PPFIA4: variants seen among roughly 807,000 people sequenced by gnomAD.
PPFIA4 encodes liprin-alpha-4.
In PPFIA4, 98 loss-of-function variants were observed where a neutral mutation model predicts 145.7. The ratio of observed to expected loss-of-function variants is 0.67; its 90% CI spans 0.57 to 0.80. The LOEUF is 0.80. Among genes scored for constraint, PPFIA4 ranks in the 30% least tolerant of loss-of-function variants. The pLI is 0.00. For missense variants in PPFIA4, 1,457 were observed against 1,632.7 expected, an observed-to-expected ratio of 0.89 and a Z score of 1.85; for synonymous variants, 628 against 649.6, an observed-to-expected ratio of 0.97 and a Z score of 0.51.
Position 203,045,446 on chromosome 1 carries a change from C to G in PPFIA4, c.745C>G (p.Leu249Val), listed in dbSNP as rs1295643664. 1 of 1,609,868 alleles carries G rather than the reference C, an allele frequency of 6.2e-7. No homozygotes were observed. The highest frequency in any genetic ancestry group is 8.5e-7 in the Non-Finnish European group (1 of 1,178,796). ...TGAGTTGAGCCAGGCCCGGGAGCGA[C>G]TGGTCACCCTAACAACAACCGTGAC... ...NFELSQARERLVTLTTTVTEL... is the reference protein window; with the variant it reads ...NFELSQARERVVTLTTTVTEL... The change falls in exon 7 of 30, where the codon CTG becomes GTG. Residue 249 changes from leucine to valine, a missense_variant. By Grantham distance (32) the Leu-to-Val change is conservative. Transcript: ENST00000295706.
intron 2 of PPFIA4, among the ~76,000 whole-genome samples, chr1:203,042,933 T>TG (rs754984858): frequency 2.0e-5 from 3 of 152,198 alleles, no homozygotes; most frequent in Non-Finnish European, 4.4e-5. Context: ...GTCACTGTGC[T>TG]GGGCCTTCTC....
intron 2 of PPFIA4, 61 bp downstream of exon 2, chr1:203,039,303 C>A: frequency 1.6e-6 from 2 of 1,257,058 alleles, no homozygotes; most frequent in South Asian, 3.1e-5. Context: ...CTGCTAGATC[C>A]ACTGGGCCCT....
At chr1:203,034,119 G>C (rs953177258) in intron 1 of PPFIA4, among the ~76,000 whole-genome samples, 1 of 152,210 alleles carries the variant, frequency 6.6e-6, no homozygotes, top group Admixed American at 6.5e-5. Flanking sequence ...GCAATGCTGG[G>C]TCAGCGGAAG....
rs931877435 is a variant in PPFIA4, at chr1:203,061,654, C to G, written c.2850C>G (p.Asp950Glu). The G allele has an allele frequency of 1.3e-6, 2 of 1,566,172 alleles. No individual in the cohort carries two copies. Among genetic ancestry groups the G allele is most frequent in the Admixed American group, 3.7e-5 (2 of 53,524 alleles). Residue 950 changes from aspartate to glutamate, a missense_variant and splice_region_variant, in exon 24 of 30, where the codon GAC becomes GAG. By Grantham distance (45) the Asp-to-Glu change is conservative. Around this residue, in one of 3 missense-constraint regions of PPFIA4, gnomAD observed 848 missense variants for 1,046.7 expected, o/e 0.81. Coordinates refer to ENST00000295706, the MANE Select transcript of PPFIA4 (RefSeq NM_001304331.2). ...METLETSTKT[D>E]SEEGSWAQTL... ...CACGCTGCACTCGTTCCTGCTAGGA[C>G]AGTGAGGAGGGCAGCTGGGCTCAGG... is the stretch of plus-strand genomic sequence containing the variant.
chr1:203,053,850 CA>C lies in PPFIA4; in HGVS notation c.1719del (p.Gly575ValfsTer22), dbSNP rs1660712175. On this transcript the variant is annotated frameshift_variant, in exon 15 of 30. Transcript: ENST00000295706. LOFTEE classifies it high-confidence loss of function. ...ATCTCCGACGTGGATGAGGATGAGCCAGGGGGTCTGGTGGGCTCTGCGGATG... is the reference window on the plus strand; with the variant it reads ...ATCTCCGACGTGGATGAGGATGAGCCGGGGGTCTGGTGGGCTCTGCGGATG... ...PEISDVDEDE[P>X]GGLVGSADVV... 2 of 1,555,358 alleles carry C rather than the reference CA, an allele frequency of 1.3e-6. No individual in the cohort carries two copies. Among genetic ancestry groups the C allele is most frequent in the East Asian group, 2.4e-5 (1 of 41,242 alleles).
At chr1:203,069,696 G>T (rs1285757252) in intron 27 of PPFIA4, among the ~76,000 whole-genome samples, 1 of 151,840 alleles carries the variant, frequency 6.6e-6, no homozygotes, top group African/African-American at 2.4e-5. Context: ...CAGTGTGTTG[G>T]CCTTTTGGGG....
rs1662640992 is a variant in PPFIA4 at position 203,077,788 on chromosome 1, G to T, written c.*1398G>T. 6.6e-6 allele frequency: 1 copy of T among 152,238 alleles called. No homozygotes were observed. Among genetic ancestry groups the T allele is most frequent in the Admixed American group, 6.5e-5 (1 of 15,290 alleles). The allele number at this position is 152,238 out of a possible 1,614,324, so 9.4% of individuals were successfully genotyped here. ...TCACCTACTCCCTCATCCTACCAAGGTGCCTGAAAATGTTCAAGACTTATG... is the reference window on the plus strand; with the variant it reads ...TCACCTACTCCCTCATCCTACCAAGTTGCCTGAAAATGTTCAAGACTTATG... On this transcript the variant is annotated 3_prime_UTR_variant, in exon 30 of 30. Coordinates refer to ENST00000295706, the MANE Select transcript of PPFIA4 (RefSeq NM_001304331.2).
Position 203,048,742 on chromosome 1 carries a change from G to T in PPFIA4, c.1356+28G>T, listed in dbSNP as rs552040666. 1.2e-6 allele frequency: 2 copies of T among 1,602,104 alleles called. No individual in the cohort carries two copies. The highest frequency in any genetic ancestry group is 1.1e-5 in the South Asian group (1 of 89,946). ...GCCCAGAGGGGCGGGGTTGGGATGC[G>T]AGAGGTTAGTGCTGGGTGTGGGGCG... On this transcript the variant is annotated intron_variant, in intron 11 of 29. Transcript: ENST00000295706. This position sits in a 1 kb window ranked among gnomAD's most constrained non-coding sequence, Gnocchi z 5.8.
intron 13 of PPFIA4, chr1:203,051,210 T>C: frequency 1.0e-6 from 1 of 985,380 alleles, no homozygotes. Flanking sequence ...TTTCTGACAG[T>C]GTTAGGGCCT....
At position 203,051,874 on chromosome 1, in the gene PPFIA4, C is replaced by T; in HGVS notation, c.1617C>T (p.Ala539=). ...RRYSALREES[A]KDWETSPLPG... ...ACTCGGCATTGAGGGAAGAGTCTGCCAAGGTGAGGGGGTGGAGGGATCTCC... is the reference window on the plus strand; with the variant it reads ...ACTCGGCATTGAGGGAAGAGTCTGCTAAGGTGAGGGGGTGGAGGGATCTCC... The change falls in exon 14 of 30, where the codon GCC becomes GCT. Residue 539 remains alanine (A), a synonymous_variant. Transcript: ENST00000295706. 2 of 1,613,212 alleles carry T rather than the reference C, an allele frequency of 1.2e-6. No individual in the cohort carries two copies. The highest frequency in any genetic ancestry group is 1.7e-6 in the Non-Finnish European group (2 of 1,179,600).
At chr1:203,054,216 T>G in intron 15 of PPFIA4, 1 of 664,030 alleles carries the variant, frequency 1.5e-6, no homozygotes, top group Non-Finnish European at 2.7e-6. Context: ...GCATGCTGTG[T>G]TCCTGCAGCC....
intron 13 of PPFIA4, 182 bp from the exon 14 acceptor site, chr1:203,051,587 C>T (rs1365728850): frequency 1.7e-6 from 2 of 1,151,334 alleles, no homozygotes; most frequent in East Asian, 5.8e-5. Context: ...CCTGGAGCAC[C>T]AGGGCATACG....
chr1:203,045,612 G>T, intron 7 of PPFIA4, 53 bp downstream of exon 7: 1 of 1,500,756 alleles, frequency 6.7e-7, no homozygotes, highest in African/African-American at 1.4e-5. Context: ...CGTGTGGAGG[G>T]AGAGCCAGGC....
rs1376082496 is a variant in PPFIA4, at chr1:203,060,097, A to G, written c.2584-120A>G. ...GGGGTTTGATGACCGCCACATTCCTATGATCTGTATTTGCTATTCGAGTCC... is the reference window on the plus strand; with the variant it reads ...GGGGTTTGATGACCGCCACATTCCTGTGATCTGTATTTGCTATTCGAGTCC... On this transcript the variant is annotated intron_variant, in intron 21 of 29. Coordinates refer to ENST00000295706, the MANE Select transcript of PPFIA4 (RefSeq NM_001304331.2). This position sits in a 1 kb window ranked among gnomAD's most constrained non-coding sequence, Gnocchi z 4.8. 8 of 955,314 alleles carry G rather than the reference A, an allele frequency of 8.4e-6. No individual in the cohort carries two copies. Among genetic ancestry groups the G allele is most frequent in the African/African-American group, 1.6e-5 (1 of 61,396 alleles). The allele number at this position is 955,314 out of a possible 1,614,324, so 59.2% of individuals were successfully genotyped here. A position where few individuals can be genotyped will look rare whatever the true frequency, so the allele number is the denominator to read the frequency against.
rs1207718485 is a variant in PPFIA4 at position 203,048,340 on chromosome 1, C to T, written c.1224+30C>T. 1 of 1,603,818 alleles carries T rather than the reference C, an allele frequency of 6.2e-7. No homozygotes were observed. The highest frequency in any genetic ancestry group is 1.7e-5 in the Admixed American group (1 of 59,010). On this transcript the variant is annotated intron_variant, in intron 10 of 29. Transcript: ENST00000295706. The surrounding 1 kb of genome is among the most constrained non-coding windows in gnomAD (Gnocchi z 5.8). ...GGGCACCAGGCCGGGCCCTCAGGCC[C>T]CCTCCTTCCCGCAGGACAGGCTCCC...
At chr1:203,054,438 G>A (rs1660763567) in intron 15 of PPFIA4, among the ~76,000 whole-genome samples, 1 of 152,334 alleles carries the variant, frequency 6.6e-6, no homozygotes, top group East Asian at 1.9e-4. Context: ...TCAAACTCAA[G>A]TCTGAACTTG....
In PPFIA4 at chr1:203,053,840, G is replaced by A. The variant is rs1348357515; in HGVS notation, c.1708G>A (p.Glu570Lys). 6.4e-7 allele frequency: 1 copy of A among 1,554,740 alleles called. No individual in the cohort carries two copies. The change falls in exon 15 of 30, where the codon GAG (glutamate) becomes AAG (lysine). Residue 570 changes from glutamate to lysine, a missense_variant. Coordinates refer to ENST00000295706, the MANE Select transcript of PPFIA4 (RefSeq NM_001304331.2). ...DSDPEISDVD[E>K]DEPGGLVGSA... Reference sequence around the variant, plus strand: ...TGACCCTGAGATCTCCGACGTGGATGAGGATGAGCCAGGGGGTCTGGTGGG... The same window carrying A: ...TGACCCTGAGATCTCCGACGTGGATAAGGATGAGCCAGGGGGTCTGGTGGG...
At position 203,048,814 on chromosome 1, in the gene PPFIA4, G is replaced by T; in HGVS notation, c.1356+100G>T. ...GGCGCAGGCGGGGTCTCAATGGGGT[G>T]GGTGGCCAGCCTGGAGAGGTGGGGC... On this transcript the variant is annotated intron_variant, in intron 11 of 29. Coordinates refer to ENST00000295706, the MANE Select transcript of PPFIA4 (RefSeq NM_001304331.2). This position sits in a 1 kb window ranked among gnomAD's most constrained non-coding sequence, Gnocchi z 5.8. The T allele has an allele frequency of 6.5e-7, 1 of 1,532,388 alleles. No individual in the cohort carries two copies. The highest frequency in any genetic ancestry group is 2.4e-5 in the East Asian group (1 of 41,170). 94.9% of individuals were successfully genotyped at this position (1,532,388 alleles called of 1,614,324 possible).
chr1:203,045,374 A>G lies in PPFIA4; in HGVS notation c.673A>G (p.Thr225Ala). Residue 225 changes from threonine (T) to alanine (A), a missense_variant, in exon 7 of 30, where the codon ACG becomes GCG. By Grantham distance (58) the Thr-to-Ala change is moderately conservative (BLOSUM62 0). Transcript: ENST00000295706. Reference sequence around the variant, plus strand: ...ACTGTCCCTATCCCTGGAGGAGGATACGGGCCGGGTAGAGGAGCTGCAGGA... The same window carrying G: ...ACTGTCCCTATCCCTGGAGGAGGATGCGGGCCGGGTAGAGGAGCTGCAGGA... ...LGPKRLWKED[T>A]GRVEELQELL... The G allele has an allele frequency of 6.3e-7, 1 of 1,594,504 alleles. No individual in the cohort carries two copies. The highest frequency in any genetic ancestry group is 8.5e-7 in the Non-Finnish European group (1 of 1,171,126).
Sources: gnomAD v4.1 joint callset for allele counts (sites outside exome capture counted in the v4.1 genomes callset) on GRCh38, gnomAD v4.1.1 for gene constraint, gnomAD v4.1.1 regional missense constraint, Gnocchi (gnomAD v3.1) non-coding constraint, MANE v1.5 for transcripts, NCBI Gene and HGNC (gene_info 2026-07-23, HGNC 2026-07-21) for gene names.